The following TFEC variants were observed in gnomAD, a reference collection of about 807,000 sequenced individuals.
TFEC encodes class E basic helix-loop-helix protein 34.
Under a neutral mutation model 41.6 loss-of-function variants are expected in TFEC, and 31 were observed. The observed-to-expected ratio is 0.74, with a 90% CI of 0.56 to 1.01. The LOEUF (loss-of-function observed/expected upper bound fraction) is 1.01, where lower values mean the gene tolerates loss of function less well. Ranked by LOEUF, TFEC falls within the 50% of genes least tolerant of loss-of-function variation. The probability of loss-of-function intolerance (pLI) is 0.00; values close to 1 mark genes in which losing one functional copy is unlikely to be tolerated. For missense variants in TFEC, 402 were observed against 404.1 expected (o/e 0.99, Z 0.04); for synonymous variants, 143 against 140.6 (o/e 1.02, Z -0.12).
intron 3 of TFEC, among the ~76,000 whole-genome samples, chr7:116,081,842 T>G (rs1016447928): frequency 6.6e-6 from 1 of 152,062 alleles, no homozygotes; most frequent in African/African-American, 2.4e-5. Flanking sequence ...CTTTATACCT[T>G]GGTAACTTCA....
upstream of TFEC, among the ~76,000 whole-genome samples, chr7:116,033,903 T>G (rs749002941): frequency 6.6e-6 from 1 of 152,126 alleles, no homozygotes; most frequent in Non-Finnish European, 1.5e-5. Context: ...CTGTCTTCAA[T>G]TCCTCTTTTC....
intron 1 of TFEC, among the ~76,000 whole-genome samples, chr7:115,998,488 T>G (rs1794456478): frequency 1.3e-5 from 2 of 151,664 alleles, no homozygotes; most frequent in South Asian, 4.2e-4. Flanking sequence ...AATAATAACA[T>G]TGAATGTAAA....
intron 3 of TFEC, among the ~76,000 whole-genome samples, chr7:115,958,951 G>A (rs1322433581): frequency 6.6e-6 from 1 of 151,792 alleles, no homozygotes; most frequent in African/African-American, 2.4e-5. Flanking sequence ...TCCAGTGTTA[G>A]TGAAAATGTA....
chr7:115,977,557 A>T (rs1194057729), intron 2 of TFEC, among the ~76,000 whole-genome samples: 1 of 152,020 alleles, frequency 6.6e-6, no homozygotes, highest in Non-Finnish European at 1.5e-5. Context: ...ATAAAAACTC[A>T]GAAACTTTAA....
At chr7:116,042,080 G>C (rs895924553) in intron 3 of TFEC, among the ~76,000 whole-genome samples, 1 of 152,056 alleles carries the variant, frequency 6.6e-6, no homozygotes, top group East Asian at 1.9e-4. Flanking sequence ...AAAAACAGGT[G>C]AATGTAGGTG....
chr7:116,139,910 G>C (rs1036681816), intron 1 of TFEC, among the ~76,000 whole-genome samples: 5 of 152,170 alleles, frequency 3.3e-5, no homozygotes, highest in African/African-American at 9.7e-5. Flanking sequence ...AGGGCACTTG[G>C]ACAGAAATGG....
chr7:116,068,667 C>G (rs767951949), intron 3 of TFEC, among the ~76,000 whole-genome samples: 20 of 151,450 alleles, frequency 1.3e-4, no homozygotes, highest in Non-Finnish European at 3.0e-4. Flanking sequence ...TTTAACAATA[C>G]TAGAAAATAA....
chr7:115,993,441 T>A (rs1794216819), intron 1 of TFEC, among the ~76,000 whole-genome samples: 1 of 152,166 alleles, frequency 6.6e-6, no homozygotes, highest in Non-Finnish European at 1.5e-5. Context: ...ATGACATGAT[T>A]GTATATTTAG....
At chr7:116,072,926 C>A (rs1048653298) in intron 3 of TFEC, among the ~76,000 whole-genome samples, 1 of 151,396 alleles carries the variant, frequency 6.6e-6, no homozygotes, top group African/African-American at 2.4e-5. Context: ...CCCACTCTTG[C>A]CACCTCTGTT....
intron 3 of TFEC, among the ~76,000 whole-genome samples, chr7:116,076,483 C>T (rs188830627): frequency 2.8e-4 from 43 of 151,836 alleles, no homozygotes; most frequent in South Asian, 1.5e-3. Context: ...ATCATGGAGA[C>T]GCCAGAGAAA....
chr7:116,111,003 T>C lies in TFEC; in HGVS notation c.-21-77A>G, dbSNP rs1016927025. The C allele has an allele frequency of 1.8e-4, 126 of 692,936 alleles. 1 individual carries two copies. In the African/African-American group the frequency reaches 2.1e-3, roughly 12 times the overall value. The allele number at this position is 692,936 out of a possible 1,614,324, so 42.9% of individuals were successfully genotyped here. On this transcript the variant is annotated intron_variant, in intron 2 of 8. Transcript: ENST00000484212. ...TATTTTATCACCTGAGACTACATAC[T>C]ATAAAATAAATTTAGTAAATGATAA...
At chr7:116,041,384 A>T (rs910645948) in intron 3 of TFEC, among the ~76,000 whole-genome samples, 1 of 152,178 alleles carries the variant, frequency 6.6e-6, no homozygotes, top group African/African-American at 2.4e-5. Flanking sequence ...TCAGCTCCAG[A>T]TTCAAGTAAT....
At chr7:115,972,693 A>G (rs1009546221) in intron 3 of TFEC, among the ~76,000 whole-genome samples, 2 of 152,104 alleles carry the variant, frequency 1.3e-5, no homozygotes, top group African/African-American at 4.8e-5. Flanking sequence ...TTATGTAAAT[A>G]CACTTAGACC....
At chr7:116,024,154 C>A (rs1795502121) in intron 1 of TFEC, among the ~76,000 whole-genome samples, 1 of 152,102 alleles carries the variant, frequency 6.6e-6, no homozygotes, top group Admixed American at 6.6e-5. Context: ...GTTACCTCTA[C>A]AACTACTATT....
intron 3 of TFEC, among the ~76,000 whole-genome samples, chr7:116,110,495 G>A (rs1018122656): frequency 3.3e-5 from 5 of 152,046 alleles, no homozygotes; most frequent in Middle Eastern, 3.2e-3. Flanking sequence ...GTTCTTTGTT[G>A]CATTAATACT....
chr7:116,106,684 C>T (rs950376067), intron 3 of TFEC, among the ~76,000 whole-genome samples: 1 of 152,166 alleles, frequency 6.6e-6, no homozygotes, highest in African/African-American at 2.4e-5. Flanking sequence ...CCGTGCCTGG[C>T]TGACTTCAGA....
chr7:116,109,516 A>G (rs886227648), intron 3 of TFEC, among the ~76,000 whole-genome samples: 1 of 152,256 alleles, frequency 6.6e-6, no homozygotes, highest in Non-Finnish European at 1.5e-5. Context: ...AATCAAAACC[A>G]CAATGAGATA....
chr7:115,954,373 A>C (rs1295771634), intron 5 of TFEC, among the ~76,000 whole-genome samples: 1 of 152,072 alleles, frequency 6.6e-6, no homozygotes, highest in African/African-American at 2.4e-5. Flanking sequence ...TGAATGATCA[A>C]GGAGGGAATT....
intron 1 of TFEC, among the ~76,000 whole-genome samples, chr7:116,013,234 G>A (rs1249509884): frequency 6.6e-6 from 1 of 151,964 alleles, no homozygotes; most frequent in Non-Finnish European, 1.5e-5. Flanking sequence ...GAATTTTTGT[G>A]TTTTAAATGC....
Sources: allele counts gnomAD v4.1 joint callset (sites outside exome capture counted in the v4.1 genomes callset), GRCh38; gene constraint gnomAD v4.1.1; transcripts MANE v1.5; gene names NCBI Gene and HGNC (gene_info 2026-07-23, HGNC 2026-07-21).